The following CHD7 variants were observed in gnomAD, a reference collection of about 807,000 sequenced individuals.
The protein encoded by CHD7 is chromodomain helicase DNA binding protein 7.
CHD7 carries 24 observed loss-of-function variants against 307.3 expected under a neutral mutation model. The observed-to-expected ratio is 0.08, with a 90% CI of 0.06 to 0.11. The LOEUF is 0.11. CHD7 is among the 10% of genes least tolerant of loss of function. CHD7 has a pLI of 1.00. For missense variants in CHD7, 3,106 were observed against 3,727.1 expected, an observed-to-expected ratio of 0.83 and a Z score of 4.34; for synonymous variants, 1,363 against 1,349.9, an observed-to-expected ratio of 1.01 and a Z score of -0.21.
Position 60,828,616 on chromosome 8 carries a change from G to A in CHD7, c.3379-47G>A, listed in dbSNP as rs1289343719. 2.6e-6 allele frequency: 4 copies of A among 1,551,932 alleles called. No individual in the cohort carries two copies. In the African/African-American group the frequency reaches 5.5e-5, roughly 21 times the overall value. On this transcript the variant is annotated intron_variant, in intron 13 of 37. Coordinates refer to ENST00000423902, the MANE Select transcript of CHD7 (RefSeq NM_017780.4). The stretch of plus-strand genomic sequence containing the variant: ...AGTGAGAGGCTCTGGTTTTAAGAAA[G>A]TGTTTTTGTTACAATTTGGTTAGTG...
intron 13 of CHD7, among the ~76,000 whole-genome samples, chr8:60,826,719 G>A (rs1303691312): frequency 6.6e-6 from 1 of 152,210 alleles, no homozygotes; most frequent in Non-Finnish European, 1.5e-5. Flanking sequence ...GTCCTCCACA[G>A]GAGCTCTGGG....
At chr8:60,764,117 A>T (rs1810356314) in intron 2 of CHD7, among the ~76,000 whole-genome samples, 1 of 152,054 alleles carries the variant, frequency 6.6e-6, no homozygotes, top group African/African-American at 2.4e-5. Flanking sequence ...CCTCCCGAGT[A>T]GCTGGTACTA....
chr8:60,856,479 G>A lies in CHD7; in HGVS notation c.7199G>A (p.Arg2400Gln), dbSNP rs534510177. 31 of 1,588,972 alleles carry A rather than the reference G, an allele frequency of 2.0e-5. No individual in the cohort carries two copies. Among genetic ancestry groups the A allele is most frequent in the African/African-American group, 4.0e-5 (3 of 74,418 alleles). Residue 2400 changes from arginine to glutamine, a missense_variant, in exon 34 of 38, where the codon CGG becomes CAG. This residue lies in a region of CHD7 where 1,030 missense variants were observed against 1,165.4 expected (regional missense o/e 0.88). Transcript: ENST00000423902. ...CTCAACCTCTCTGTCCCTCGCCAGC[G>A]GAGGAGGAGGAGGAGAAAAATCGAA... Reference protein sequence around the residue: ...DALNLSVPRQRRRRRRKIEIE... With the variant: ...DALNLSVPRQQRRRRRKIEIE...
chr8:60,831,347 G>A (rs573054678), intron 15 of CHD7, among the ~76,000 whole-genome samples: 2 of 152,094 alleles, frequency 1.3e-5, no homozygotes, highest in Admixed American at 6.5e-5. Context: ...GATTTTGCGA[G>A]GCAGAGTTAG....
intron 15 of CHD7, among the ~76,000 whole-genome samples, chr8:60,835,297 A>G (rs1045606432): frequency 3.3e-5 from 5 of 152,180 alleles, no homozygotes; most frequent in Non-Finnish European, 5.9e-5. Context: ...CCTCTTTCCA[A>G]TGTACCCAAG....
At chr8:60,806,739 A>C (rs1812553860) in intron 6 of CHD7, among the ~76,000 whole-genome samples, 1 of 152,190 alleles carries the variant, frequency 6.6e-6, no homozygotes, top group Non-Finnish European at 1.5e-5. Flanking sequence ...GTGGTGGCTC[A>C]TGCCTGTAAT....
intron 1 of CHD7, among the ~76,000 whole-genome samples, chr8:60,727,023 C>G (rs951013800): frequency 6.6e-6 from 1 of 152,206 alleles, no homozygotes; most frequent in Non-Finnish European, 1.5e-5. Flanking sequence ...TTACATAGTG[C>G]TTTCTAAGTG....
chr8:60,799,144 A>G (rs1433253883), intron 4 of CHD7, among the ~76,000 whole-genome samples: 2 of 152,248 alleles, frequency 1.3e-5, no homozygotes, highest in Non-Finnish European at 2.9e-5. Context: ...CTGCACGTCT[A>G]AATAGATACA....
chr8:60,782,873 A>G (rs1362189908), intron 3 of CHD7, among the ~76,000 whole-genome samples: 1 of 152,212 alleles, frequency 6.6e-6, no homozygotes, highest in Non-Finnish European at 1.5e-5. Flanking sequence ...ATAAGTAATT[A>G]CCTAAATCTA....
intron 1 of CHD7, among the ~76,000 whole-genome samples, chr8:60,717,373 T>C (rs2150535861): frequency 6.6e-6 from 1 of 152,234 alleles, no homozygotes; most frequent in African/African-American, 2.4e-5. Flanking sequence ...CACAAAGTTA[T>C]TTCACATTTT....
At position 60,719,047 on chromosome 8, in the gene CHD7, C is replaced by G. The variant is rs115133792; in HGVS notation, c.-174-22212C>G. On this transcript the variant is annotated intron_variant, in intron 1 of 37. Transcript: ENST00000423902. ...TACCATCTTGGTTTGTGTAAGTGCA[C>G]TCTGTGATGTTTGCACAAAGATAAA... 7.7e-3 allele frequency among the ~76,000 whole-genome samples: 1,173 copies of G among 152,336 alleles called. 12 individuals are homozygous for G. The highest frequency in any genetic ancestry group is 0.027 in the African/African-American group (1,112 of 41,572).
At chr8:60,796,311 G>T (rs979605851) in intron 4 of CHD7, among the ~76,000 whole-genome samples, 1 of 152,122 alleles carries the variant, frequency 6.6e-6, no homozygotes, top group Non-Finnish European at 1.5e-5. Context: ...TTTTAATTGC[G>T]TAGGCTGTTT....
intron 1 of CHD7, among the ~76,000 whole-genome samples, chr8:60,698,338 A>C (rs1484953016): frequency 6.6e-6 from 1 of 152,252 alleles, no homozygotes; most frequent in Non-Finnish European, 1.5e-5. Context: ...TACAGGAAGA[A>C]TATAGGGTAG....
chr8:60,695,625 C>T (rs192605321), intron 1 of CHD7, among the ~76,000 whole-genome samples: 1 of 152,294 alleles, frequency 6.6e-6, no homozygotes, highest in East Asian at 1.9e-4. Flanking sequence ...GGCGCATCAG[C>T]ATGTTCTGTG....
chr8:60,809,171 A>T (rs1189791600), intron 7 of CHD7, among the ~76,000 whole-genome samples: 3 of 152,222 alleles, frequency 2.0e-5, no homozygotes, highest in African/African-American at 7.2e-5. Context: ...GGCACTGTTA[A>T]TAAATTGATG....
At chr8:60,841,223 A>G (rs1381749087) in intron 19 of CHD7, among the ~76,000 whole-genome samples, 5 of 152,096 alleles carry the variant, frequency 3.3e-5, no homozygotes, top group Non-Finnish European at 7.4e-5. Flanking sequence ...GACTACCCTT[A>G]TCCCCTTTAC....
In CHD7 at chr8:60,781,021, C is replaced by T; in HGVS notation, c.1687C>T (p.Leu563=). ...TCAGCATTCCCCGTCGGAGCCCTTT[C>T]TAGAGAAACCAGTGCCGGATATGAC... is the stretch of plus-strand genomic sequence containing the variant. ...VHQHSPSEPF[L]EKPVPDMTQV... is the part of the protein sequence containing the mutation. Residue 563 remains leucine (L), a synonymous_variant, in exon 3 of 38, where the codon CTA becomes TTA. Transcript: ENST00000423902. 2 of 1,572,762 alleles carry T rather than the reference C, an allele frequency of 1.3e-6. No homozygotes were observed. The highest frequency in any genetic ancestry group is 1.7e-6 in the Non-Finnish European group (2 of 1,164,140).
intron 6 of CHD7, among the ~76,000 whole-genome samples, chr8:60,803,161 A>AT (rs1812390450): frequency 6.6e-6 from 1 of 152,222 alleles, no homozygotes; most frequent in Admixed American, 6.5e-5. Context: ...ATACAGTAAA[A>AT]TTTAAATACT....
intron 1 of CHD7, among the ~76,000 whole-genome samples, chr8:60,723,015 C>T (rs1256853481): frequency 6.6e-6 from 1 of 152,156 alleles, no homozygotes; most frequent in Non-Finnish European, 1.5e-5. Context: ...GATCTTTTCA[C>T]CATTCATGGT....
Sources: allele counts gnomAD v4.1 joint callset (sites outside exome capture counted in the v4.1 genomes callset), GRCh38; gene constraint gnomAD v4.1.1; regional missense constraint gnomAD v4.1.1; transcripts MANE v1.5; gene names NCBI Gene and HGNC (gene_info 2026-07-23, HGNC 2026-07-21).